The following FH variants were observed in gnomAD, a reference collection of about 807,000 sequenced individuals.
FH encodes the protein fumarate hydratase.
FH carries 22 observed loss-of-function variants against 49.4 expected under a neutral mutation model. That is an observed-to-expected ratio of 0.45 (90% CI 0.32 to 0.64). The LOEUF is 0.64. Ranked by LOEUF, FH falls within the 30% of genes least tolerant of loss-of-function variation. The probability of loss-of-function intolerance (pLI) is 0.05; values close to 1 mark genes in which losing one functional copy is unlikely to be tolerated. For synonymous variants in FH, 208 were observed against 223.0 expected (o/e 0.93, Z 0.60); for missense variants, 526 against 641.5 (o/e 0.82, Z 1.95).
chr1:241,503,034 A>C (rs1397009768), intron 7 of FH, among the ~76,000 whole-genome samples: 1 of 152,132 alleles, frequency 6.6e-6, no homozygotes, highest in Non-Finnish European at 1.5e-5. Context: ...GCTAAGCTAA[A>C]ATTTTCCTAT....
chr1:241,511,081 G>A (rs1286423153), intron 4 of FH, among the ~76,000 whole-genome samples: 1 of 152,196 alleles, frequency 6.6e-6, no homozygotes, highest in Non-Finnish European at 1.5e-5. Context: ...CTTTCAAAGT[G>A]TCAAGGTCAC....
chr1:241,508,423 A>G (rs1468892091), intron 5 of FH, among the ~76,000 whole-genome samples, 180 bp downstream of exon 5: 1 of 152,186 alleles, frequency 6.6e-6, no homozygotes, highest in Non-Finnish European at 1.5e-5. Context: ...TAGCCAGTAT[A>G]CTCTGCTTTT....
rs1659880543 is a variant in FH, at chr1:241,505,174, G to C, written c.904+829C>G. Among the ~76,000 whole-genome samples, 4 of 152,162 alleles carry C rather than the reference G, an allele frequency of 2.6e-5. No homozygotes were observed. The South Asian group carries it at 8.3e-4, about 32-fold the overall frequency. On this transcript the variant is annotated intron_variant, in intron 6 of 9. Coordinates refer to ENST00000366560, the MANE Select transcript of FH (RefSeq NM_000143.4). ...GATCTGCCCATCTTGGCCTCCCAAA[G>C]TGCTAGGATTACAGGTGTGAGCCCC...
chr1:241,516,726 C>T lies in FH; in HGVS notation c.267+456G>A, dbSNP rs150080225. ...GGAGTGCAGTGGTGCGATCTCAGCT[C>T]ACTGCAACCTCCGCCTCCCGGGTTC... On this transcript the variant is annotated intron_variant, in intron 2 of 9. Coordinates refer to ENST00000366560, the MANE Select transcript of FH (RefSeq NM_000143.4). 4.5e-3 allele frequency among the ~76,000 whole-genome samples: 682 copies of T among 151,640 alleles called. 5 individuals are homozygous for T. Among genetic ancestry groups the T allele is most frequent in the African/African-American group, 0.016 (644 of 41,362 alleles).
At position 241,517,185 on chromosome 1, in the gene FH, C is replaced by G. The variant is rs2147925082; in HGVS notation, c.264G>C (p.Met88Ile). ...CATTTCCACAAATGCCACTTACTGG[C>G]ATGCGTTCTGTCACACCTCCAATCT... Reference protein sequence around the residue: ...NFKIGGVTERMPTPVIKAFGI... With the variant: ...NFKIGGVTERIPTPVIKAFGI... Residue 88 changes from methionine (M) to isoleucine (I), a missense_variant, in exon 2 of 10, where the codon ATG (methionine) becomes ATC (isoleucine). By Grantham distance (10) the Met-to-Ile change is conservative. Coordinates refer to ENST00000366560, the MANE Select transcript of FH (RefSeq NM_000143.4). 2.5e-6 allele frequency: 4 copies of G among 1,614,146 alleles called. No individual in the cohort carries two copies. Among genetic ancestry groups the G allele is most frequent in the Non-Finnish European group, 3.4e-6 (4 of 1,180,036 alleles).
chr1:241,511,635 T>C (rs1041974311), intron 4 of FH, among the ~76,000 whole-genome samples: 13 of 152,126 alleles, frequency 8.5e-5, no homozygotes, highest in African/African-American at 2.7e-4. Context: ...GTACCATGGT[T>C]ACATAAGATG....
intron 7 of FH, among the ~76,000 whole-genome samples, chr1:241,503,246 TTA>T (rs1659827220): frequency 6.6e-6 from 1 of 152,198 alleles, no homozygotes; most frequent in Admixed American, 6.5e-5. Flanking sequence ...AACTAAACCT[TTA>T]TGTCATTCTT....
chr1:241,513,368 A>C (rs189609315), intron 3 of FH, among the ~76,000 whole-genome samples: 1 of 152,342 alleles, frequency 6.6e-6, no homozygotes, highest in African/African-American at 2.4e-5. Context: ...TATATAAATT[A>C]AGGAAAGTCA....
chr1:241,509,504 T>G (rs1378172459), intron 4 of FH, among the ~76,000 whole-genome samples: 1 of 152,210 alleles, frequency 6.6e-6, no homozygotes, highest in East Asian at 1.9e-4. Flanking sequence ...CTGGGTGCAG[T>G]GGCTCATGCC....
chr1:241,511,968 T>TCA lies in FH; in HGVS notation c.553_554insTG (p.Gln185LeufsTer18), dbSNP rs768182640. ...AAACAGCAAAGCTCACATACTGACC[T>TCA]GGCTTTTATTAACATGATCGTTGGG... On this transcript the variant is annotated frameshift_variant and splice_region_variant, in exon 4 of 10. Coordinates refer to ENST00000366560, the MANE Select transcript of FH (RefSeq NM_000143.4). LOFTEE classifies it high-confidence loss of function. 3 of 1,613,894 alleles carry TCA rather than the reference T, an allele frequency of 1.9e-6. No homozygotes were observed. The Admixed American group carries it at 5.0e-5, about 27-fold the overall frequency.
At chr1:241,505,864 T>A (rs1423383724) in intron 6 of FH, 139 bp downstream of exon 6, 1 of 835,952 alleles carries the variant, frequency 1.2e-6, no homozygotes, top group Non-Finnish European at 1.9e-6. Flanking sequence ...TTCAGAAATA[T>A]ACTTAAAACA....
chr1:241,508,046 A>G (rs1239817353), intron 5 of FH, among the ~76,000 whole-genome samples: 3 of 152,210 alleles, frequency 2.0e-5, no homozygotes, highest in Non-Finnish European at 4.4e-5. Flanking sequence ...ATGCGGCCAG[A>G]TCCATCTTAA....
intron 5 of FH, among the ~76,000 whole-genome samples, 169 bp downstream of exon 5, chr1:241,508,434 C>T (rs1028507768): frequency 1.3e-5 from 2 of 152,188 alleles, no homozygotes; most frequent in Non-Finnish European, 2.9e-5. Flanking sequence ...CTCTGCTTTT[C>T]TTCTAAGTGG....
At chr1:241,513,765 AAGTT>A (rs759997242) in intron 2 of FH, 52 bp from the exon 3 acceptor site, 10 of 1,470,380 alleles carry the variant, frequency 6.8e-6, no homozygotes, top group Non-Finnish European at 9.5e-7. Context: ...TTAAGCATGG[AAGTT>A]TATTATTTTG....
Position 241,519,695 on chromosome 1 carries a change from G to C in FH, c.28C>G (p.Arg10Gly). 6.5e-7 allele frequency: 1 copy of C among 1,546,744 alleles called. No individual in the cohort carries two copies. The highest frequency in any genetic ancestry group is 1.2e-5 in the South Asian group (1 of 83,724). The change falls in exon 1 of 10, where the codon CGC (arginine) becomes GGC (glycine). Residue 10 changes from arginine (R) to glycine (G), a missense_variant. Arg to Gly is a moderately radical substitution (Grantham distance 125). This residue lies in a region of FH where 143 missense variants were observed against 127.5 expected (regional missense o/e 1.12). Coordinates refer to ENST00000366560, the MANE Select transcript of FH (RefSeq NM_000143.4). ...GGAGCCCGCACGAGGGGACGCGAGC[G>C]CGCGAGGAGCCGAAGTGCTCGGTAC... Reference protein sequence around the residue: MYRALRLLARSRPLVRAPAA... With the variant: MYRALRLLAGSRPLVRAPAA...
intron 7 of FH, among the ~76,000 whole-genome samples, chr1:241,502,781 A>C (rs1262775179): frequency 6.6e-6 from 1 of 152,220 alleles, no homozygotes; most frequent in Admixed American, 6.5e-5. Context: ...CCACAACTAC[A>C]CATTAAATAT....
chr1:241,500,679 T>A (rs1659757106), intron 8 of FH, 89 bp from the exon 9 acceptor site: 1 of 1,545,594 alleles, frequency 6.5e-7, no homozygotes, highest in Non-Finnish European at 8.8e-7. Context: ...AATAACATAT[T>A]ATTTTCTGGT....
At chr1:241,512,236 A>G (rs1209815943) in intron 3 of FH, 93 bp from the exon 4 acceptor site, 8 of 1,060,720 alleles carry the variant, frequency 7.5e-6, no homozygotes, top group African/African-American at 3.2e-5. Context: ...CACATATCTA[A>G]GCTTCTGAAG....
In FH at chr1:241,500,513, G is replaced by A. The variant is rs140873869; in HGVS notation, c.1314C>T (p.Ile438=). The change falls in exon 9 of 10, where the codon ATC becomes ATT. Residue 438 remains isoleucine, a synonymous_variant. Transcript: ENST00000366560. ...VSFTENCVVG[I]QANTERINKL... is the part of the protein sequence containing the mutation. Reference sequence around the variant, plus strand: ...TGTTGATCCTTTCTGTATTGGCCTGGATTCCCACCACGCAGTTTTCTGTAA... The same window carrying A: ...TGTTGATCCTTTCTGTATTGGCCTGAATTCCCACCACGCAGTTTTCTGTAA... 5.3e-5 allele frequency: 85 copies of A among 1,613,238 alleles called. No homozygotes were observed. Among genetic ancestry groups the A allele is most frequent in the Non-Finnish European group, 6.8e-5 (80 of 1,179,884 alleles).
Sources: allele counts gnomAD v4.1 joint callset (sites outside exome capture counted in the v4.1 genomes callset), GRCh38; gene constraint gnomAD v4.1.1; regional missense constraint gnomAD v4.1.1; transcripts MANE v1.5; gene names NCBI Gene and HGNC (gene_info 2026-07-23, HGNC 2026-07-21).